The following ERBIN variants were observed in gnomAD, a reference collection of about 807,000 sequenced individuals.
The protein encoded by ERBIN is erbb2 interacting protein, also known as densin-180-like protein.
Under a neutral mutation model 158.4 loss-of-function variants are expected in ERBIN, and 60 were observed. The observed-to-expected ratio is 0.38, with a 90% CI of 0.31 to 0.47. The LOEUF is 0.47. Among genes scored for constraint, ERBIN ranks in the 20% least tolerant of loss-of-function variants. ERBIN has a pLI of 0.99. For synonymous variants in ERBIN, 594 were observed against 557.2 expected, an observed-to-expected ratio of 1.07 and a Z score of -0.93; for missense variants, 1,610 against 1,648.0, an observed-to-expected ratio of 0.98 and a Z score of 0.40.
chr5:65,937,057 C>A lies in ERBIN; in HGVS notation c.-58+10251C>A, dbSNP rs544622006. Among the ~76,000 whole-genome samples, 3 of 152,300 alleles carry A rather than the reference C, an allele frequency of 2.0e-5. No homozygotes were observed. In the South Asian group the frequency reaches 6.2e-4, roughly 32 times the overall value. ...AGATTGCCTGGATTTAAATCCACGACTTACTAATTATGACATTGAAAAATT... is the reference window on the plus strand; with the variant it reads ...AGATTGCCTGGATTTAAATCCACGAATTACTAATTATGACATTGAAAAATT... On this transcript the variant is annotated intron_variant, in intron 1 of 25. Transcript: ENST00000284037.
At chr5:66,037,402 G>A (rs1432392746) in intron 14 of ERBIN, among the ~76,000 whole-genome samples, 1 of 152,084 alleles carries the variant, frequency 6.6e-6, no homozygotes, top group African/African-American at 2.4e-5. Flanking sequence ...TCCTGACTTG[G>A]GGTGGATGAG....
At position 66,008,231 on chromosome 5, in the gene ERBIN, A is replaced by G. The variant is rs546753185; in HGVS notation, c.308-3818A>G. ...GGAGATCGAGACCATCCTGGGTGAC[A>G]TGGTGAAACCCCATATATAAAACCC... On this transcript the variant is annotated intron_variant, in intron 4 of 25. Transcript: ENST00000284037. Among the ~76,000 whole-genome samples the G allele has an allele frequency of 1.1e-4, 17 of 152,278 alleles. No individual in the cohort carries two copies. The South Asian group carries it at 3.1e-3, about 28-fold the overall frequency.
At chr5:66,020,964 AATT>A (rs1183867449) in intron 7 of ERBIN, among the ~76,000 whole-genome samples, 11 of 151,984 alleles carry the variant, frequency 7.2e-5, no homozygotes, top group African/African-American at 2.2e-4. Flanking sequence ...TTATGGTAGT[AATT>A]ATTATACATC....
At position 66,023,080 on chromosome 5, in the gene ERBIN, A is replaced by T. The variant is rs574056744; in HGVS notation, c.598-210A>T. ...TGTCTCTTTGATTTCTCCATTAATA[A>T]TTTTCTATAATAATTTTACTGTAGT... On this transcript the variant is annotated intron_variant, in intron 8 of 25. Transcript: ENST00000284037. 1.2e-5 allele frequency: 5 copies of T among 413,222 alleles called. No homozygotes were observed. In the South Asian group the frequency reaches 2.6e-4, roughly 21 times the overall value. 25.6% of individuals were successfully genotyped at this position (413,222 alleles called of 1,614,324 possible).
chr5:65,980,291 G>T (rs969408132), intron 1 of ERBIN, among the ~76,000 whole-genome samples: 2 of 151,868 alleles, frequency 1.3e-5, no homozygotes, highest in Non-Finnish European at 2.9e-5. Context: ...TGTTGGGTGC[G>T]GTGTCGGGCG....
intron 9 of ERBIN, among the ~76,000 whole-genome samples, chr5:66,024,026 C>A (rs994887652): frequency 1.2e-4 from 18 of 152,052 alleles, no homozygotes; most frequent in African/African-American, 3.1e-4. Context: ...ATAAAAAAAA[C>A]CACAAGAATC....
chr5:65,935,468 C>A (rs377312526), intron 1 of ERBIN, among the ~76,000 whole-genome samples: 2 of 152,206 alleles, frequency 1.3e-5, no homozygotes, highest in East Asian at 1.9e-4. Context: ...CATTTTTGAG[C>A]CAGAAGTGTC....
intron 1 of ERBIN, among the ~76,000 whole-genome samples, chr5:65,981,567 C>T (rs766754437): frequency 9.9e-5 from 15 of 151,906 alleles, no homozygotes; most frequent in Non-Finnish European, 1.5e-4. Context: ...GAGGGAGGTG[C>T]TTATGGTACA....
chr5:65,963,498 T>C (rs1202232738), intron 1 of ERBIN, among the ~76,000 whole-genome samples: 1 of 152,098 alleles, frequency 6.6e-6, no homozygotes, highest in Non-Finnish European at 1.5e-5. Flanking sequence ...CTCCGGAGGC[T>C]GAGGCAGGAG....
chr5:65,930,055 C>T lies in ERBIN; in HGVS notation c.-58+3249C>T, dbSNP rs546950522. 2.6e-5 allele frequency among the ~76,000 whole-genome samples: 4 copies of T among 152,264 alleles called. No homozygotes were observed. In the East Asian group the frequency reaches 7.7e-4, roughly 29 times the overall value. On this transcript the variant is annotated intron_variant, in intron 1 of 25. Coordinates refer to ENST00000284037, the MANE Select transcript of ERBIN (RefSeq NM_001253697.2). ...TTTCTCTTCTGATTCCCTTAGCTTC[C>T]TATATTTATAGTTAGCTTCATTTAC... is the stretch of plus-strand genomic sequence containing the variant.
At chr5:66,046,116 G>GA (rs1219115974) in intron 17 of ERBIN, among the ~76,000 whole-genome samples, 1 of 152,190 alleles carries the variant, frequency 6.6e-6, no homozygotes, top group Non-Finnish European at 1.5e-5. Context: ...CTTCTAAGAG[G>GA]AAAGTAACCT....
chr5:66,074,406 T>C (rs1761800075), intron 22 of ERBIN, among the ~76,000 whole-genome samples: 3 of 137,406 alleles, frequency 2.2e-5, no homozygotes, highest in African/African-American at 9.2e-5. Flanking sequence ...TAATAGTCTA[T>C]GGAATTAATA....
intron 8 of ERBIN, 56 bp downstream of exon 8, chr5:66,021,441 A>T (rs964521294): frequency 2.4e-5 from 30 of 1,231,838 alleles, no homozygotes; most frequent in Non-Finnish European, 3.3e-5. Flanking sequence ...GAAGAACAAA[A>T]TATGAAAATT....
chr5:66,005,263 G>A (rs1050386459), intron 4 of ERBIN, among the ~76,000 whole-genome samples: 13 of 152,274 alleles, frequency 8.5e-5, no homozygotes, highest in South Asian at 2.1e-4. Flanking sequence ...TGAGAGAAGA[G>A]TCAAGGATGC....
At chr5:66,004,220 ACAGGCGTGAGCCAC>A (rs1337458487) in intron 4 of ERBIN, among the ~76,000 whole-genome samples, 1 of 151,736 alleles carries the variant, frequency 6.6e-6, no homozygotes, top group Non-Finnish European at 1.5e-5. Context: ...TAGTGGGAAT[ACAGGCGTGAGCCAC>A]CATGCCTGGC....
intron 1 of ERBIN, among the ~76,000 whole-genome samples, chr5:65,985,621 G>T (rs1393689226): frequency 6.6e-6 from 1 of 152,128 alleles, no homozygotes; most frequent in Admixed American, 6.5e-5. Flanking sequence ...TCCTACTTAC[G>T]AAAATTATCA....
intron 22 of ERBIN, among the ~76,000 whole-genome samples, chr5:66,072,824 A>G (rs546319078): frequency 3.2e-4 from 49 of 152,100 alleles, no homozygotes; most frequent in African/African-American, 1.1e-3. Context: ...TCCCTCAACT[A>G]TTTTTTCTTA....
intron 21 of ERBIN, among the ~76,000 whole-genome samples, chr5:66,070,707 A>G (rs539715683): frequency 4.6e-5 from 7 of 152,234 alleles, no homozygotes; most frequent in Non-Finnish European, 1.0e-4. Flanking sequence ...AAAATAAAGT[A>G]TTCATTGCAT....
intron 1 of ERBIN, among the ~76,000 whole-genome samples, chr5:65,969,646 T>C (rs1286685298): frequency 6.6e-6 from 1 of 152,218 alleles, no homozygotes; most frequent in Admixed American, 6.5e-5. Context: ...ATCTGGGAAT[T>C]CCTTCTATTA....
Sources: allele counts gnomAD v4.1 joint callset (sites outside exome capture counted in the v4.1 genomes callset), GRCh38; gene constraint gnomAD v4.1.1; transcripts MANE v1.5; gene names NCBI Gene and HGNC (gene_info 2026-07-23, HGNC 2026-07-21).